The following GUCY2F variants were observed in gnomAD, a reference collection of about 807,000 sequenced individuals.
GUCY2F encodes retinal guanylyl cyclase 2.
Under a neutral mutation model 73.1 loss-of-function variants are expected in GUCY2F, and 61 were observed. The observed-to-expected ratio is 0.83, with a 90% CI of 0.68 to 1.03. The LOEUF (loss-of-function observed/expected upper bound fraction) is 1.03, where lower values mean the gene tolerates loss of function less well. Ranked by LOEUF, GUCY2F falls within the 50% of genes least tolerant of loss-of-function variation. The pLI, the probability that GUCY2F is intolerant of heterozygous loss-of-function variation, is 0.00. For synonymous variants in GUCY2F, 331 were observed against 307.8 expected (o/e 1.08, Z -0.79); for missense variants, 912 against 854.3 (o/e 1.07, Z -0.84).
At chrX:109,378,351 G>A (rs753753928) in intron 17 of GUCY2F, among the ~76,000 whole-genome samples, 40 of 111,403 alleles carry the variant, frequency 3.6e-4, no homozygotes, top group Non-Finnish European at 7.0e-4. Flanking sequence ...CAACACACTG[G>A]AGTCAAAAGG....
intron 2 of GUCY2F, among the ~76,000 whole-genome samples, chrX:109,468,214 C>T (rs1335161479): frequency 8.9e-6 from 1 of 112,132 alleles, no homozygotes; most frequent in Admixed American, 9.5e-5. Context: ...GATTAGAGCC[C>T]CCACCTTACC....
intron 9 of GUCY2F, among the ~76,000 whole-genome samples, chrX:109,407,885 G>A (rs773565130): frequency 8.8e-6 from 1 of 113,137 alleles, no homozygotes; most frequent in Non-Finnish European, 1.9e-5. Flanking sequence ...GCAAAAGTTT[G>A]CTGCAGGAGC....
At chrX:109,399,293 A>G (rs1462458841) in intron 10 of GUCY2F, among the ~76,000 whole-genome samples, 1 of 112,672 alleles carries the variant, frequency 8.9e-6, no homozygotes, top group African/African-American at 3.2e-5. Flanking sequence ...CTAGAGATGA[A>G]TCAAACTTGA....
At chrX:109,397,170 T>C (rs527264099) in intron 11 of GUCY2F, among the ~76,000 whole-genome samples, 13 of 111,429 alleles carry the variant, frequency 1.2e-4, no homozygotes, top group African/African-American at 4.2e-4. Context: ...CCTCCTAGTA[T>C]GTGAAAAGGC....
intron 5 of GUCY2F, among the ~76,000 whole-genome samples, chrX:109,451,354 C>T (rs931090281): frequency 8.1e-5 from 9 of 111,058 alleles, no homozygotes; most frequent in African/African-American, 9.8e-5. Flanking sequence ...ATAACTTTTG[C>T]CCAAGGAAGC....
chrX:109,397,959 G>A (rs922505516), intron 11 of GUCY2F, among the ~76,000 whole-genome samples: 21 of 110,639 alleles, frequency 1.9e-4, no homozygotes, highest in African/African-American at 6.2e-4. Flanking sequence ...TGGTAATCTT[G>A]ATTGCTTGTT....
chrX:109,374,213 C>G (rs1209160332), intron 19 of GUCY2F, among the ~76,000 whole-genome samples: 1 of 111,870 alleles, frequency 8.9e-6, no homozygotes, highest in Non-Finnish European at 1.9e-5. Context: ...TGAAATTTGT[C>G]AGGGATGTAC....
chrX:109,434,151 G>A lies in GUCY2F; in HGVS notation c.1702-3755C>T, dbSNP rs73530226. Among the ~76,000 whole-genome samples, 981 of 110,578 alleles carry A rather than the reference G, an allele frequency of 8.9e-3. 8 individuals are homozygous for A. The highest frequency in any genetic ancestry group is 0.03 in the African/African-American group (920 of 30,426). On this transcript the variant is annotated intron_variant, in intron 7 of 19. Transcript: ENST00000218006. ...AACACAGGGAGAAGCAAAGAGGAAA[G>A]AGTAGTCAGAAAATGAAGAGGGAAG...
At chrX:109,384,713 C>A (rs1481445700) in intron 16 of GUCY2F, among the ~76,000 whole-genome samples, 1 of 111,715 alleles carries the variant, frequency 9.0e-6, no homozygotes, top group Non-Finnish European at 1.9e-5. Context: ...CTCCTGGGGT[C>A]CTAACTGGTT....
In GUCY2F at chrX:109,392,902, T is replaced by A; in HGVS notation, c.2578A>T (p.Met860Leu). The A allele has an allele frequency of 8.5e-7, 1 of 1,172,970 alleles. No homozygotes were observed. The change falls in exon 13 of 20, where the codon ATG becomes TTG. Residue 860 changes from methionine (M) to leucine (L), a missense_variant. Transcript: ENST00000218006. ...KQKTEKLLTQ[M>L]LPPSVAESLK... is the part of the protein sequence containing the mutation. ...GGTGTTCTCACATACGGTGGTAGCA[T>A]CTGTGTTAGAAGCTTTTCCGTTTTC...
chrX:109,392,325 A>C (rs1291464756), intron 13 of GUCY2F, among the ~76,000 whole-genome samples: 2 of 112,190 alleles, frequency 1.8e-5, no homozygotes, highest in Non-Finnish European at 3.8e-5. Flanking sequence ...GGAATACAGC[A>C]CTGGACAGAC....
At chrX:109,457,476 T>C (rs987249352) in intron 3 of GUCY2F, among the ~76,000 whole-genome samples, 1 of 112,246 alleles carries the variant, frequency 8.9e-6, no homozygotes, top group South Asian at 3.7e-4. Context: ...GATAATTGAA[T>C]TCTTGTTATT....
rs1261023469 is a variant in GUCY2F, at chrX:109,475,424, A to C, written c.513T>G (p.Ser171=). 1 of 1,210,877 alleles carries C rather than the reference A, an allele frequency of 8.3e-7. No individual in the cohort carries two copies. The highest frequency in any genetic ancestry group is 1.7e-5 in the African/African-American group (1 of 57,830). The change falls in exon 2 of 20, where the codon TCT becomes TCG. Residue 171 remains serine, a synonymous_variant. Transcript: ENST00000218006. The part of the protein sequence containing the change: ...SYPTFSRTLP[S]PIRVLVTVMK... ...TGACAGTTACAAGCACCCGGATGGG[A>C]GAAGGGAGTGTCCGAGAAAAGGTCG...
At chrX:109,402,160 C>T (rs1930855385) in intron 10 of GUCY2F, among the ~76,000 whole-genome samples, 1 of 111,124 alleles carries the variant, frequency 9.0e-6, no homozygotes, top group African/African-American at 3.3e-5. Flanking sequence ...ACTGACCATC[C>T]ATACTGCCAC....
intron 3 of GUCY2F, among the ~76,000 whole-genome samples, chrX:109,458,132 T>C (rs376305015): frequency 9.8e-5 from 11 of 112,103 alleles, no homozygotes; most frequent in African/African-American, 3.6e-4. Context: ...ACCTCCTATA[T>C]TACAGGAAAA....
In GUCY2F at chrX:109,388,397, A is replaced by G. The variant is rs746281562; in HGVS notation, c.2956+92T>C. 73 of 704,838 alleles carry G rather than the reference A, an allele frequency of 1.0e-4. No individual in the cohort carries two copies. In the African/African-American group the frequency reaches 1.4e-3, roughly 14 times the overall value. The allele number at this position is 704,838 out of a possible 1,213,427, so 58.1% of individuals were successfully genotyped here. A position where few individuals can be genotyped will look rare whatever the true frequency, so the allele number is the denominator to read the frequency against. ...CGGACACCTGGATAATCCGGTGGCCAGGAATCAGGGGAGAGCTATCTTTTT... is the reference window on the plus strand; with the variant it reads ...CGGACACCTGGATAATCCGGTGGCCGGGAATCAGGGGAGAGCTATCTTTTT... On this transcript the variant is annotated intron_variant, in intron 15 of 19. Coordinates refer to ENST00000218006, the MANE Select transcript of GUCY2F (RefSeq NM_001522.3).
In GUCY2F at chrX:109,453,814, C is replaced by A; in HGVS notation, c.1078G>T (p.Ala360Ser). ...TTCATAGCATTATTCATGGCTTGTGCGATAAAGTAAATTGAATTGTAGATG... is the reference window on the plus strand; with the variant it reads ...TTCATAGCATTATTCATGGCTTGTGAGATAAAGTAAATTGAATTGTAGATG... ...GTIYNSIYFI[A>S]QAMNNAMKEN... The change falls in exon 4 of 20, where the codon GCA becomes TCA. Residue 360 changes from alanine to serine, a missense_variant. Ala to Ser is a moderately conservative substitution (Grantham distance 99). Coordinates refer to ENST00000218006, the MANE Select transcript of GUCY2F (RefSeq NM_001522.3). 1 of 1,196,131 alleles carries A rather than the reference C, an allele frequency of 8.4e-7. No homozygotes were observed. Among genetic ancestry groups the A allele is most frequent in the Non-Finnish European group, 1.1e-6 (1 of 885,302 alleles).
At chrX:109,414,060 C>T (rs1198367666) in intron 8 of GUCY2F, among the ~76,000 whole-genome samples, 2 of 110,731 alleles carry the variant, frequency 1.8e-5, no homozygotes, top group African/African-American at 6.6e-5. Context: ...AAGTGATTCT[C>T]GTGCGAATCT....
intron 8 of GUCY2F, among the ~76,000 whole-genome samples, chrX:109,410,596 CAAGAT>C (rs943037219): frequency 3.6e-5 from 4 of 112,306 alleles, no homozygotes; most frequent in African/African-American, 1.3e-4. Flanking sequence ...AAGAGACAAA[CAAGAT>C]AAAATCACTG....
Sources: allele counts gnomAD v4.1 joint callset (sites outside exome capture counted in the v4.1 genomes callset), GRCh38; gene constraint gnomAD v4.1.1; transcripts MANE v1.5; gene names NCBI Gene and HGNC (gene_info 2026-07-23, HGNC 2026-07-21).